Variants in DFFA observed in about 807,000 individuals in gnomAD.
The protein encoded by DFFA is DFF45.
DFFA carries 14 observed loss-of-function variants against 28.0 expected under a neutral mutation model. The observed-to-expected ratio is 0.50, with a 90% CI of 0.33 to 0.78. The LOEUF (loss-of-function observed/expected upper bound fraction) is 0.78, where lower values mean the gene tolerates loss of function less well. Among genes scored for constraint, DFFA ranks in the 30% least tolerant of loss-of-function variants. DFFA has a pLI of 0.02. For missense variants in DFFA, 395 were observed against 407.1 expected (o/e 0.97, Z 0.26); for synonymous variants, 158 against 170.3 (o/e 0.93, Z 0.56).
rs1177163081 is a variant in DFFA at position 10,461,433 on chromosome 1, G to A, written c.*57C>T. The A allele has an allele frequency of 3.8e-6, 6 of 1,561,184 alleles. No homozygotes were observed. Among genetic ancestry groups the A allele is most frequent in the Non-Finnish European group, 4.3e-6 (5 of 1,150,948 alleles). ...ATAGGTAGTCAAATGATGAGGCTGA[G>A]GGTGTCTACCAATAACACAACGCCA... On this transcript the variant is annotated 3_prime_UTR_variant, in exon 6 of 6. Transcript: ENST00000377038.
rs1570113524 is a variant in DFFA, at chr1:10,472,247, A to T, written c.136+76T>A. The T allele has an allele frequency of 6.8e-7, 1 of 1,469,318 alleles. No homozygotes were observed. The highest frequency in any genetic ancestry group is 1.4e-5 in the African/African-American group (1 of 69,096). 91.0% of individuals were successfully genotyped at this position (1,469,318 alleles called of 1,614,324 possible). A position where few individuals can be genotyped will look rare whatever the true frequency, so the allele number is the denominator to read the frequency against. ...AAGAATCCCCAAGTCGCCTCTCCTG[A>T]CCCCGCCTCGCCCCCGCCGGACGTC... On this transcript the variant is annotated intron_variant, in intron 1 of 5. Transcript: ENST00000377038. This position sits in a 1 kb window ranked among gnomAD's most constrained non-coding sequence, Gnocchi z 5.0.
chr1:10,465,561 G>A (rs186938671), intron 3 of DFFA, among the ~76,000 whole-genome samples: 143 of 152,128 alleles, frequency 9.4e-4, no homozygotes, highest in Non-Finnish European at 1.8e-3. Flanking sequence ...CACCGTGCCC[G>A]GCTGTATTTT....
At position 10,461,513 on chromosome 1, in the gene DFFA, G is replaced by A. The variant is rs145486605; in HGVS notation, c.973C>T (p.Arg325Ter). The change falls in exon 6 of 6, where the codon CGA becomes TGA. Residue 325 changes from arginine to a stop codon, truncating the protein, a stop_gained. Coordinates refer to ENST00000377038, the MANE Select transcript of DFFA (RefSeq NM_004401.3). LOFTEE classifies it high-confidence loss of function. ...SPPGDLQNPKRARQDPT is the reference protein window; with the variant it reads ...SPPGDLQNPK ...TGCTATGTGGGATCCTGTCTGGCTC[G>A]CTTAGGATTCTGCAGGTCACCAGGT... 6.8e-6 allele frequency: 11 copies of A among 1,613,934 alleles called. No homozygotes were observed. In the African/African-American group the frequency reaches 8.0e-5, roughly 12 times the overall value.
In DFFA at chr1:10,472,266, G is replaced by T; in HGVS notation, c.136+57C>A. The T allele has an allele frequency of 1.4e-6, 2 of 1,472,488 alleles. No homozygotes were observed. Among genetic ancestry groups the T allele is most frequent in the East Asian group, 2.6e-5 (1 of 38,576 alleles). The allele number at this position is 1,472,488 out of a possible 1,614,324, so 91.2% of individuals were successfully genotyped here. ...CTCCTGACCCCGCCTCGCCCCCGCC[G>T]GACGTCCTCACCCGGCCCTGGCTCC... On this transcript the variant is annotated intron_variant, in intron 1 of 5. Transcript: ENST00000377038. This position sits in a 1 kb window ranked among gnomAD's most constrained non-coding sequence, Gnocchi z 5.0.
intron 5 of DFFA, 192 bp downstream of exon 5, chr1:10,462,866 A>G: frequency 7.1e-7 from 1 of 1,415,282 alleles, no homozygotes; most frequent in Non-Finnish European, 9.2e-7. Context: ...AAGTGTATGC[A>G]TTTTTCTTTA....
chr1:10,471,747 C>T lies in DFFA; in HGVS notation c.136+576G>A, dbSNP rs963551425. On this transcript the variant is annotated intron_variant, in intron 1 of 5. Transcript: ENST00000377038. ...TTGAAGCAGGGCTATAAATATTATA[C>T]CCAATTTGCTGATGAGAAAACTGAG... Among the ~76,000 whole-genome samples the T allele has an allele frequency of 7.9e-5, 12 of 152,272 alleles. No individual in the cohort carries two copies. The East Asian group carries it at 2.3e-3, about 29-fold the overall frequency.
rs1286808906 is a variant in DFFA at position 10,463,578 on chromosome 1, G to A, written c.484C>T (p.Arg162Cys). ...APCSDLAQELRQSCATVQRLQ... is the reference protein window; with the variant it reads ...APCSDLAQELCQSCATVQRLQ... ...CGCTGGACGGTGGCACAACTCTGAC[G>A]TAGTTCCTGAGCCAGGTCTGAGCAG... The change falls in exon 4 of 6, where the codon CGT becomes TGT. Residue 162 changes from arginine (R) to cysteine (C), a missense_variant. Transcript: ENST00000377038. 4 of 1,614,110 alleles carry A rather than the reference G, an allele frequency of 2.5e-6. No individual in the cohort carries two copies. The highest frequency in any genetic ancestry group is 4.5e-5 in the East Asian group (2 of 44,890).
rs905116681 is a variant in DFFA, at chr1:10,463,295, G to A, written c.632-86C>T. 195 of 1,569,840 alleles carry A rather than the reference G, an allele frequency of 1.2e-4. 2 individuals are homozygous for A. The East Asian group carries it at 4.3e-3, about 35-fold the overall frequency. ...CTCGCCAGAATAACTGGCCGGGCAA[G>A]AGAGAAACGTGCCCGTCCCGCATCC... On this transcript the variant is annotated intron_variant, in intron 4 of 5. Coordinates refer to ENST00000377038, the MANE Select transcript of DFFA (RefSeq NM_004401.3).
rs1374250834 is a variant in DFFA, at chr1:10,472,356, C to T, written c.103G>A (p.Ala35Thr). Reference protein sequence around the residue: ...RNYSREQHGVAASCLEDLRSK... With the variant: ...RNYSREQHGVTASCLEDLRSK... The stretch of plus-strand genomic sequence containing the variant: ...CTCAGGTCTTCGAGGCAGGAGGCGG[C>T]CACGCCGTGCTGTTCGCGGCTGTAG... The change falls in exon 1 of 6, where the codon GCC becomes ACC. Residue 35 changes from alanine to threonine, a missense_variant. Physicochemically the swap from Ala to Thr is moderately conservative, Grantham distance 58. Coordinates refer to ENST00000377038, the MANE Select transcript of DFFA (RefSeq NM_004401.3). This position sits in a 1 kb window ranked among gnomAD's most constrained non-coding sequence, Gnocchi z 5.0. The T allele has an allele frequency of 1.2e-6, 2 of 1,608,544 alleles. No individual in the cohort carries two copies. The highest frequency in any genetic ancestry group is 1.7e-6 in the Non-Finnish European group (2 of 1,176,762).
In DFFA at chr1:10,461,101, A is replaced by C. The variant is rs142383097; in HGVS notation, c.*389T>G. 1 of 156,134 alleles carries C rather than the reference A, an allele frequency of 6.4e-6. No individual in the cohort carries two copies. Among genetic ancestry groups the C allele is most frequent in the Non-Finnish European group, 1.4e-5 (1 of 71,788 alleles). The allele number at this position is 156,134 out of a possible 1,614,324, so 9.7% of individuals were successfully genotyped here. ...TTTTTTTTGTATTTTTAGTAGAGACAGGGTTTCACCATGTTAGCCAGGATG... is the reference window on the plus strand; with the variant it reads ...TTTTTTTTGTATTTTTAGTAGAGACCGGGTTTCACCATGTTAGCCAGGATG... On this transcript the variant is annotated 3_prime_UTR_variant, in exon 6 of 6. Coordinates refer to ENST00000377038, the MANE Select transcript of DFFA (RefSeq NM_004401.3).
At chr1:10,462,931 G>A in intron 5 of DFFA, 127 bp downstream of exon 5, 1 of 1,507,248 alleles carries the variant, frequency 6.6e-7, no homozygotes, top group Non-Finnish European at 8.9e-7. Context: ...GCATATAATA[G>A]GCAAACTGGC....
intron 5 of DFFA, among the ~76,000 whole-genome samples, chr1:10,462,040 A>G (rs1640950855): frequency 1.3e-5 from 2 of 151,950 alleles, no homozygotes; most frequent in Non-Finnish European, 2.9e-5. Context: ...TATTTTTTTT[A>G]GTAGAGACGG....
intron 5 of DFFA, chr1:10,462,790 T>C: frequency 7.6e-7 from 1 of 1,313,550 alleles, no homozygotes; most frequent in East Asian, 3.1e-5. Context: ...GCCCTGCTAT[T>C]CCTCCCTGTC....
rs1343503597 is a variant in DFFA, at chr1:10,467,316, C to A, written c.315G>T (p.Trp105Cys). Reference sequence around the variant, plus strand: ...CTACATCAAAGGACTCTTGGGAAATCCAAGCTGTACCTCCATCTGACACAT... The same window carrying A: ...CTACATCAAAGGACTCTTGGGAAATACAAGCTGTACCTCCATCTGACACAT... ...AYNNSDGGTA[W>C]ISQESFDVDE... The change falls in exon 3 of 6, where the codon TGG becomes TGT. Residue 105 changes from tryptophan (W) to cysteine (C), a missense_variant. By Grantham distance (215) the Trp-to-Cys change is radical. Transcript: ENST00000377038. 1 of 1,614,144 alleles carries A rather than the reference C, an allele frequency of 6.2e-7. No homozygotes were observed. Among genetic ancestry groups the A allele is most frequent in the East Asian group, 2.2e-5 (1 of 44,888 alleles).
chr1:10,471,057 C>T (rs1390913788), intron 1 of DFFA, among the ~76,000 whole-genome samples: 1 of 91,566 alleles, frequency 1.1e-5, no homozygotes, highest in African/African-American at 4.3e-5. Flanking sequence ...AGTGACACTC[C>T]GTCTCAAAAA....
intron 3 of DFFA, 106 bp downstream of exon 3, chr1:10,467,084 G>C (rs1557795209): frequency 7.8e-7 from 1 of 1,289,944 alleles, no homozygotes; most frequent in Non-Finnish European, 1.1e-6. Context: ...TAAAAATTAA[G>C]ATTAAAACAA....
rs533015884 is a variant in DFFA, at chr1:10,461,393, G to A, written c.*97C>T. The A allele has an allele frequency of 6.8e-7, 1 of 1,470,724 alleles. No individual in the cohort carries two copies. The highest frequency in any genetic ancestry group is 1.9e-4 in the Middle Eastern group (1 of 5,202). The allele number at this position is 1,470,724 out of a possible 1,614,324, so 91.1% of individuals were successfully genotyped here. ...TTCTCTGGAAGGTGCTCTAAGGCAGGGGGTAGAGTAGTACATAGGTAGTCA... is the reference window on the plus strand; with the variant it reads ...TTCTCTGGAAGGTGCTCTAAGGCAGAGGGTAGAGTAGTACATAGGTAGTCA... On this transcript the variant is annotated 3_prime_UTR_variant, in exon 6 of 6. Coordinates refer to ENST00000377038, the MANE Select transcript of DFFA (RefSeq NM_004401.3).
Position 10,472,478 on chromosome 1 carries a change from G to A in DFFA, c.-20C>T, listed in dbSNP as rs368748052. On this transcript the variant is annotated 5_prime_UTR_variant, in exon 1 of 6. Transcript: ENST00000377038. This position sits in a 1 kb window ranked among gnomAD's most constrained non-coding sequence, Gnocchi z 5.0. ...CTCCATCCTCCACAAGGTGGGACCT[G>A]CCCACCTTCGAGAAGTCGCGGGAGG... The A allele has an allele frequency of 3.9e-5, 62 of 1,577,036 alleles. No individual in the cohort carries two copies. The Middle Eastern group carries it at 1.2e-3, about 30-fold the overall frequency.
chr1:10,462,045 A>G (rs1640951005), intron 5 of DFFA, among the ~76,000 whole-genome samples: 2 of 152,104 alleles, frequency 1.3e-5, no homozygotes, highest in Admixed American at 6.5e-5. Context: ...TTTTTAGTAG[A>G]GACGGGGTTT....
Sources: gnomAD v4.1 joint callset for allele counts (sites outside exome capture counted in the v4.1 genomes callset) on GRCh38, gnomAD v4.1.1 for gene constraint, Gnocchi (gnomAD v3.1) non-coding constraint, MANE v1.5 for transcripts, NCBI Gene and HGNC (gene_info 2026-07-23, HGNC 2026-07-21) for gene names.